The following DYNC1I1 variants were observed in gnomAD, a reference collection of about 807,000 sequenced individuals.
DYNC1I1 encodes the protein cytoplasmic dynein 1 intermediate chain 1.
In DYNC1I1, 43 loss-of-function variants were observed where a neutral mutation model predicts 86.6. That is an observed-to-expected ratio of 0.50 (90% confidence interval 0.39 to 0.64). DYNC1I1 has a LOEUF of 0.64. Among genes scored for constraint, DYNC1I1 ranks in the 30% least tolerant of loss-of-function variants. The pLI is 0.00. For missense variants in DYNC1I1, 604 were observed against 788.8 expected (o/e 0.77, Z 2.81); for synonymous variants, 262 against 283.7 (o/e 0.92, Z 0.77).
Position 95,805,354 on chromosome 7 carries a change from G to GTA in DYNC1I1, c.108+525_108+526dup, listed in dbSNP as rs543378577. ...ATGGATTTCTATTGTTTCCAAAATGGTATATATATTTTTTATGGTAAATAA... is the reference window on the plus strand; with the variant it reads ...ATGGATTTCTATTGTTTCCAAAATGGTATATATATATTTTTTATGGTAAATAA... On this transcript the variant is annotated intron_variant, in intron 2 of 16. Coordinates refer to ENST00000447467, the MANE Select transcript of DYNC1I1 (RefSeq NM_001135556.2). Among the ~76,000 whole-genome samples the GTA allele has an allele frequency of 6.2e-3, 943 of 152,156 alleles. 16 individuals carry two copies. The highest frequency in any genetic ancestry group is 0.022 in the African/African-American group (908 of 41,486).
chr7:95,830,525 G>T (rs896645535), intron 5 of DYNC1I1, among the ~76,000 whole-genome samples: 1 of 152,042 alleles, frequency 6.6e-6, no homozygotes, highest in Non-Finnish European at 1.5e-5. Context: ...ATTCATTCAG[G>T]TTAAGTTTAT....
At chr7:95,959,173 G>C (rs1192657867) in intron 6 of DYNC1I1, among the ~76,000 whole-genome samples, 3 of 151,962 alleles carry the variant, frequency 2.0e-5, no homozygotes, top group Non-Finnish European at 2.9e-5. Context: ...GGCTATGAAT[G>C]CTTGAGTGAA....
Position 96,097,671 on chromosome 7 carries a change from C to T in DYNC1I1, c.*78C>T, listed in dbSNP as rs1048450763. The T allele has an allele frequency of 2.7e-5, 42 of 1,581,748 alleles. No individual in the cohort carries two copies. The highest frequency in any genetic ancestry group is 1.5e-4 in the African/African-American group (11 of 74,354). ...CGTCTGCAGTCAAGTCTCTTGTATT[C>T]GGTGTCCATTCAGTATCAGTATTGC... On this transcript the variant is annotated 3_prime_UTR_variant, in exon 17 of 17. Coordinates refer to ENST00000447467, the MANE Select transcript of DYNC1I1 (RefSeq NM_001135556.2).
intron 6 of DYNC1I1, among the ~76,000 whole-genome samples, chr7:95,917,902 C>T (rs1416736288): frequency 3.9e-5 from 6 of 152,170 alleles, no homozygotes; most frequent in African/African-American, 1.4e-4. Context: ...ACATTCTGCC[C>T]CTTGGCCTGG....
intron 6 of DYNC1I1, among the ~76,000 whole-genome samples, chr7:95,920,036 C>G (rs748836202): frequency 6.6e-6 from 1 of 152,132 alleles, no homozygotes; most frequent in African/African-American, 2.4e-5. Context: ...CATAGCTCCC[C>G]ACACCTGAAG....
chr7:95,792,615 T>A (rs1794333442), intron 1 of DYNC1I1, among the ~76,000 whole-genome samples: 1 of 152,222 alleles, frequency 6.6e-6, no homozygotes, highest in Admixed American at 6.5e-5. Context: ...TTTCTTTGGG[T>A]CTTCATTTCC....
chr7:95,803,516 G>A (rs1794631567), intron 1 of DYNC1I1, among the ~76,000 whole-genome samples: 1 of 152,242 alleles, frequency 6.6e-6, no homozygotes, highest in Non-Finnish European at 1.5e-5. Context: ...GAAAAACAGT[G>A]TATTTCCCAA....
At chr7:95,848,208 GTTT>G (rs55696943) in intron 5 of DYNC1I1, among the ~76,000 whole-genome samples, 16 of 138,750 alleles carry the variant, frequency 1.2e-4, no homozygotes, top group Non-Finnish European at 1.2e-4. Context: ...ACTTACAGTT[GTTT>G]TTTTTTTTTT....
intron 10 of DYNC1I1, among the ~76,000 whole-genome samples, chr7:96,025,963 A>G (rs1794671844): frequency 6.6e-6 from 1 of 152,264 alleles, no homozygotes; most frequent in Non-Finnish European, 1.5e-5. Context: ...GGTAAATTCA[A>G]TTGTCGATAC....
chr7:95,801,302 C>T (rs757190942), intron 1 of DYNC1I1, among the ~76,000 whole-genome samples: 54 of 152,234 alleles, frequency 3.5e-4, no homozygotes, highest in Non-Finnish European at 6.6e-4. Context: ...GCTGGGAATT[C>T]CAACTTAAAT....
intron 14 of DYNC1I1, among the ~76,000 whole-genome samples, chr7:96,047,071 G>A (rs74683393): frequency 6.6e-6 from 1 of 152,140 alleles, no homozygotes; most frequent in Non-Finnish European, 1.5e-5. Flanking sequence ...TTGGTGTCTG[G>A]TGAGTGCTCA....
At chr7:96,058,361 C>T (rs952030049) in intron 14 of DYNC1I1, among the ~76,000 whole-genome samples, 1 of 152,220 alleles carries the variant, frequency 6.6e-6, no homozygotes, top group Non-Finnish European at 1.5e-5. Flanking sequence ...ACTACTCAAA[C>T]TTGTGTAATC....
rs544316686 is a variant in DYNC1I1, at chr7:95,916,532, C to G, written c.490+46534C>G. On this transcript the variant is annotated intron_variant, in intron 6 of 16. Coordinates refer to ENST00000447467, the MANE Select transcript of DYNC1I1 (RefSeq NM_001135556.2). ...TGTGTTCTATTAGATCTGAGTTGTT[C>G]TCCATTTTCTTTTTGTGTTTTCCAT... Among the ~76,000 whole-genome samples the G allele has an allele frequency of 7.6e-4, 115 of 152,174 alleles. 1 individual carries two copies. The highest frequency in any genetic ancestry group is 6.2e-4 in the South Asian group (3 of 4,820).
chr7:95,897,698 A>G (rs187435811), intron 6 of DYNC1I1, among the ~76,000 whole-genome samples: 46 of 148,758 alleles, frequency 3.1e-4, no homozygotes, highest in Admixed American at 1.5e-3. Context: ...GTATGTGCTC[A>G]TTTTTTTAAA....
At chr7:95,856,148 A>C (rs901121300) in intron 5 of DYNC1I1, among the ~76,000 whole-genome samples, 2 of 152,168 alleles carry the variant, frequency 1.3e-5, no homozygotes, top group Non-Finnish European at 2.9e-5. Flanking sequence ...TTTTCTATTT[A>C]ACTTTTTTTT....
intron 6 of DYNC1I1, among the ~76,000 whole-genome samples, chr7:95,946,781 G>A (rs1792414130): frequency 6.6e-6 from 1 of 152,180 alleles, no homozygotes; most frequent in Non-Finnish European, 1.5e-5. Context: ...TGCCCTGATA[G>A]AGCTTATATC....
intron 10 of DYNC1I1, among the ~76,000 whole-genome samples, chr7:96,014,591 G>A (rs1484216076): frequency 6.6e-6 from 1 of 152,196 alleles, no homozygotes; most frequent in African/African-American, 2.4e-5. Context: ...GCCAACAACT[G>A]TGGATCTAAT....
intron 6 of DYNC1I1, among the ~76,000 whole-genome samples, chr7:95,914,681 C>T (rs1223785811): frequency 6.6e-6 from 1 of 152,180 alleles, no homozygotes; most frequent in African/African-American, 2.4e-5. Flanking sequence ...TTATTAGTGG[C>T]TCCACTGGTG....
intron 6 of DYNC1I1, among the ~76,000 whole-genome samples, chr7:95,887,409 G>A (rs1790622837): frequency 6.6e-6 from 1 of 151,938 alleles, no homozygotes; most frequent in African/African-American, 2.4e-5. Flanking sequence ...CACCTTCTCT[G>A]GCCAACTATA....
Sources: allele counts gnomAD v4.1 joint callset (sites outside exome capture counted in the v4.1 genomes callset), GRCh38; gene constraint gnomAD v4.1.1; transcripts MANE v1.5; gene names NCBI Gene and HGNC (gene_info 2026-07-23, HGNC 2026-07-21).